DNAH12: variants seen among roughly 807,000 people sequenced by gnomAD.
The protein encoded by DNAH12 is dynein axonemal heavy chain 12.
Under a neutral mutation model 371.5 loss-of-function variants are expected in DNAH12, and 285 were observed. The observed-to-expected ratio is 0.77, with a 90% confidence interval of 0.70 to 0.85. The LOEUF is 0.85. Ranked by LOEUF, DNAH12 falls within the 40% of genes least tolerant of loss-of-function variation. The pLI, the probability that DNAH12 is intolerant of heterozygous loss-of-function variation, is 0.00. For missense variants in DNAH12, 3,611 were observed against 3,689.4 expected, an observed-to-expected ratio of 0.98 and a Z score of 0.55; for synonymous variants, 1,200 against 1,213.0, an observed-to-expected ratio of 0.99 and a Z score of 0.22.
At chr3:57,383,069 G>T (rs1265793407) in intron 49 of DNAH12, among the ~76,000 whole-genome samples, 4 of 152,188 alleles carry the variant, frequency 2.6e-5, no homozygotes, top group African/African-American at 9.6e-5. Flanking sequence ...TACAGTGGAG[G>T]TTACGTGGCA....
intron 4 of DNAH12, among the ~76,000 whole-genome samples, chr3:57,520,696 TTCCCAAAGTGC>T (rs1165278331): frequency 4.0e-5 from 6 of 151,604 alleles, no homozygotes; most frequent in Non-Finnish European, 8.8e-5. Context: ...CCACCCCGGC[TTCCCAAAGTGC>T]TGGGATTACA....
chr3:57,330,533 AG>A (rs1380605148), intron 62 of DNAH12, among the ~76,000 whole-genome samples: 1 of 119,692 alleles, frequency 8.4e-6, no homozygotes, highest in Non-Finnish European at 1.6e-5. Context: ...TGGACACAGG[AG>A]GGGGAACATC....
chr3:57,504,232 A>G (rs2067666534), intron 8 of DNAH12, 28 bp from the exon 9 acceptor site: 1 of 1,579,122 alleles, frequency 6.3e-7, no homozygotes, highest in South Asian at 1.1e-5. Flanking sequence ...CTGTTACTTT[A>G]GAGAGTACAA....
chr3:57,420,611 T>A (rs980538577), intron 36 of DNAH12, among the ~76,000 whole-genome samples: 1 of 151,516 alleles, frequency 6.6e-6, no homozygotes, highest in East Asian at 1.9e-4. Context: ...TTTCGATTCT[T>A]AAAGAATATG....
intron 60 of DNAH12, among the ~76,000 whole-genome samples, chr3:57,339,411 CT>C (rs1465945279): frequency 1.5e-4 from 22 of 150,106 alleles, no homozygotes; most frequent in African/African-American, 4.9e-4. Flanking sequence ...GAAAGTTGAT[CT>C]CATGAGAAAG....
At chr3:57,490,027 T>C (rs1213134841) in intron 11 of DNAH12, among the ~76,000 whole-genome samples, 1 of 152,230 alleles carries the variant, frequency 6.6e-6, no homozygotes, top group Non-Finnish European at 1.5e-5. Context: ...ATGTAACAAT[T>C]TGCATAGTGG....
Position 57,392,645 on chromosome 3 carries a change from C to A in DNAH12, c.7111-579G>T, listed in dbSNP as rs940714108. Among the ~76,000 whole-genome samples the A allele has an allele frequency of 2.6e-5, 4 of 151,646 alleles. 1 individual carries two copies. The highest frequency in any genetic ancestry group is 6.8e-3 in the Middle Eastern group (2 of 292). ...CACACACACAGTGTATTTTGTGCTA[C>A]GGGAAGATAAGCAGGATAAAATAAC... On this transcript the variant is annotated intron_variant, in intron 44 of 73. Transcript: ENST00000495027.
chr3:57,438,994 A>T (rs2065221811), intron 29 of DNAH12, among the ~76,000 whole-genome samples: 1 of 151,638 alleles, frequency 6.6e-6, no homozygotes, highest in African/African-American at 2.4e-5. Context: ...GTAGGAATAT[A>T]TCTAACCAAA....
intron 34 of DNAH12, among the ~76,000 whole-genome samples, chr3:57,425,985 G>A (rs899129445): frequency 2.9e-4 from 44 of 152,144 alleles, no homozygotes; most frequent in Non-Finnish European, 8.8e-5. Flanking sequence ...ATAAACAATT[G>A]GAGGAGTGCA....
chr3:57,483,685 C>T (rs374676773), intron 12 of DNAH12, among the ~76,000 whole-genome samples, 174 bp from the exon 13 acceptor site: 16 of 152,110 alleles, frequency 1.1e-4, no homozygotes, highest in African/African-American at 3.9e-4. Flanking sequence ...GTGGCTCACA[C>T]CTGTAATCAT....
At chr3:57,480,343 C>A (rs2066694216) in intron 13 of DNAH12, among the ~76,000 whole-genome samples, 1 of 152,102 alleles carries the variant, frequency 6.6e-6, no homozygotes. Flanking sequence ...AATTCCTCGA[C>A]ACATACACCC....
chr3:57,369,784 C>G (rs1222920455), intron 55 of DNAH12, among the ~76,000 whole-genome samples: 1 of 152,076 alleles, frequency 6.6e-6, no homozygotes, highest in Admixed American at 6.5e-5. Flanking sequence ...TGGAAAAATA[C>G]AGTAAGTGTT....
chr3:57,425,576 G>A (rs1156430964), intron 34 of DNAH12, among the ~76,000 whole-genome samples: 1 of 151,998 alleles, frequency 6.6e-6, no homozygotes, highest in Non-Finnish European at 1.5e-5. Context: ...GCCTCATAAG[G>A]TCTTTATAAT....
intron 65 of DNAH12, among the ~76,000 whole-genome samples, chr3:57,318,209 G>A (rs2061727948): frequency 6.6e-6 from 1 of 152,022 alleles, no homozygotes; most frequent in Non-Finnish European, 1.5e-5. Flanking sequence ...GTGTTTTGGT[G>A]TCATATCTAT....
intron 69 of DNAH12, among the ~76,000 whole-genome samples, chr3:57,304,361 G>A (rs1232640263): frequency 4.6e-5 from 7 of 152,170 alleles, no homozygotes; most frequent in South Asian, 2.1e-4. Context: ...CTATGACCTC[G>A]GGTCCTCAGA....
intron 35 of DNAH12, 135 bp downstream of exon 35, chr3:57,424,887 T>C: frequency 1.9e-6 from 1 of 527,768 alleles, no homozygotes; most frequent in Non-Finnish European, 3.4e-6. Context: ...AGGGCAACTT[T>C]AGTGTCTCCA....
chr3:57,335,645 G>A (rs1436865543), intron 60 of DNAH12, among the ~76,000 whole-genome samples: 2 of 152,140 alleles, frequency 1.3e-5, no homozygotes, highest in South Asian at 2.1e-4. Context: ...GTATCTAAAC[G>A]TAGAAAAGAA....
chr3:57,302,570 T>TA (rs2061382522), intron 69 of DNAH12, among the ~76,000 whole-genome samples: 1 of 80,538 alleles, frequency 1.2e-5, no homozygotes, highest in Non-Finnish European at 2.2e-5. Context: ...TATATGTATT[T>TA]TTTTTTTTTT....
Position 57,333,329 on chromosome 3 carries a change from C to CTTTTTTTTTTTTTTTTTTTTTTTTTTT in DNAH12, c.9978+1135_9978+1136insAAAAAAAAAAAAAAAAAAAAAAAAAAA, listed in dbSNP as rs34135477. On this transcript the variant is annotated intron_variant, in intron 62 of 73. Coordinates refer to ENST00000495027, the MANE Select transcript of DNAH12 (RefSeq NM_001366028.2). ...CGGATACATGTTCTTTTTAAGGCAA[C>CTTTTTTTTTTTTTTTTTTTTTTTTTTT]TTTTTTTTTTTTTTTTTTTTAGATG... 4.4e-4 allele frequency among the ~76,000 whole-genome samples: 49 copies of CTTTTTTTTTTTTTTTTTTTTTTTTTTT among 111,072 alleles called. 4 individuals are homozygous for CTTTTTTTTTTTTTTTTTTTTTTTTTTT. Among genetic ancestry groups the CTTTTTTTTTTTTTTTTTTTTTTTTTTT allele is most frequent in the African/African-American group, 2.1e-3 (46 of 21,906 alleles). 72.9% of individuals were successfully genotyped at this position (111,072 alleles called of 152,430 possible).
Sources: allele counts gnomAD v4.1 joint callset (sites outside exome capture counted in the v4.1 genomes callset), GRCh38; gene constraint gnomAD v4.1.1; transcripts MANE v1.5; gene names NCBI Gene and HGNC (gene_info 2026-07-23, HGNC 2026-07-21).